ABLIM2: variants seen among roughly 807,000 people sequenced by gnomAD.
ABLIM2 encodes actin binding LIM protein family member 2, also known as actin-binding LIM protein 2.
In ABLIM2, 53 loss-of-function variants were observed where a neutral mutation model predicts 97.7. The observed-to-expected ratio is 0.54, with a 90% CI of 0.44 to 0.68. The LOEUF (loss-of-function observed/expected upper bound fraction) is 0.68. ABLIM2 is among the 30% of genes least tolerant of loss of function. ABLIM2 has a pLI of 0.00. For synonymous variants in ABLIM2, 361 were observed against 345.8 expected (o/e 1.04, Z -0.49); for missense variants, 835 against 867.2 (o/e 0.96, Z 0.47).
chr4:8,009,801 C>T (rs1299538146), intron 14 of ABLIM2, among the ~76,000 whole-genome samples: 4 of 152,198 alleles, frequency 2.6e-5, no homozygotes, highest in African/African-American at 9.7e-5. Context: ...CTGGATACGC[C>T]ACTGACTACC....
At chr4:7,995,426 A>G (rs1752576806) in intron 16 of ABLIM2, among the ~76,000 whole-genome samples, 1 of 152,208 alleles carries the variant, frequency 6.6e-6, no homozygotes, top group Admixed American at 6.5e-5. Flanking sequence ...CCATGCCTCC[A>G]GGGGCAAGGC....
rs895139100 is a variant in ABLIM2, at chr4:7,996,641, G to A, written c.1619-3714C>T. ...AAGAGGGCTATTATGTTTTGTCCCC[G>A]GTTTTACCTATTCCGACGTTCTTCT... On this transcript the variant is annotated intron_variant, in intron 16 of 20. Transcript: ENST00000447017. The surrounding 1 kb of genome is among the most constrained non-coding windows in gnomAD (Gnocchi z 4.5). Among the ~76,000 whole-genome samples the A allele has an allele frequency of 2.0e-5, 3 of 152,168 alleles. No homozygotes were observed. The highest frequency in any genetic ancestry group is 1.9e-4 in the East Asian group (1 of 5,200).
At position 8,097,233 on chromosome 4, in the gene ABLIM2, C is replaced by A; in HGVS notation, c.204G>T (p.Glu68Asp). 1 of 1,576,714 alleles carries A rather than the reference C, an allele frequency of 6.3e-7. No individual in the cohort carries two copies. Among genetic ancestry groups the A allele is most frequent in the Non-Finnish European group, 8.6e-7 (1 of 1,162,466 alleles). Reference sequence around the variant, plus strand: ...TCTGGTAGTCCAGCGTGCAGATGTACTCGCCCTGCCGCACGAAGAAGCCGC... The same window carrying A: ...TCTGGTAGTCCAGCGTGCAGATGTAATCGCCCTGCCGCACGAAGAAGCCGC... The part of the protein sequence containing the change: ...AEGGFFVRQG[E>D]YICTLDYQRL... Residue 68 changes from glutamate to aspartate, a missense_variant, in exon 3 of 21, where the codon GAG becomes GAT. By Grantham distance (45) the Glu-to-Asp change is conservative. Coordinates refer to ENST00000447017, the MANE Select transcript of ABLIM2 (RefSeq NM_001130083.2).
rs1438425114 is a variant in ABLIM2 at position 8,082,240 on chromosome 4, C to A, written c.455-1438G>T. On this transcript the variant is annotated intron_variant, in intron 4 of 20. Coordinates refer to ENST00000447017, the MANE Select transcript of ABLIM2 (RefSeq NM_001130083.2). This position sits in a 1 kb window ranked among gnomAD's most constrained non-coding sequence, Gnocchi z 5.6. Reference sequence around the variant, plus strand: ...GATGGAAAGAAGGTGGCCCCAGGGCCCGACGTGCTGGGTACAAATCCTGGC... The same window carrying A: ...GATGGAAAGAAGGTGGCCCCAGGGCACGACGTGCTGGGTACAAATCCTGGC... 6.6e-6 allele frequency among the ~76,000 whole-genome samples: 1 copy of A among 152,158 alleles called. No homozygotes were observed. Among genetic ancestry groups the A allele is most frequent in the African/African-American group, 2.4e-5 (1 of 41,434 alleles).
Position 7,996,218 on chromosome 4 carries a change from T to C in ABLIM2, c.1619-3291A>G, listed in dbSNP as rs528316097. On this transcript the variant is annotated intron_variant, in intron 16 of 20. Coordinates refer to ENST00000447017, the MANE Select transcript of ABLIM2 (RefSeq NM_001130083.2). The surrounding 1 kb of genome is among the most constrained non-coding windows in gnomAD (Gnocchi z 4.5). ...TTAGTGGGCCCTACCCTAGACCTCCTGTGTCAGAATTCTGGGGCTGGGGTC... is the reference window on the plus strand; with the variant it reads ...TTAGTGGGCCCTACCCTAGACCTCCCGTGTCAGAATTCTGGGGCTGGGGTC... Among the ~76,000 whole-genome samples, 4 of 152,292 alleles carry C rather than the reference T, an allele frequency of 2.6e-5. No individual in the cohort carries two copies. The highest frequency in any genetic ancestry group is 4.4e-5 in the Non-Finnish European group (3 of 67,996).
At chr4:8,105,350 T>C (rs1836775562) in intron 2 of ABLIM2, among the ~76,000 whole-genome samples, 2 of 152,182 alleles carry the variant, frequency 1.3e-5, no homozygotes, top group Admixed American at 1.3e-4. Context: ...CCTAACATTA[T>C]CTCCCTCAGC....
chr4:8,123,001 C>G lies in ABLIM2; in HGVS notation c.11-16364G>C, dbSNP rs1008087295. On this transcript the variant is annotated intron_variant, in intron 1 of 20. Coordinates refer to ENST00000447017, the MANE Select transcript of ABLIM2 (RefSeq NM_001130083.2). This position sits in a 1 kb window ranked among gnomAD's most constrained non-coding sequence, Gnocchi z 6.2. ...TTCCCGGAGGTCGTGCCTGCCTCCC[C>G]TGGCGTTCCCACTCTGCAAGCCTCC... is the stretch of plus-strand genomic sequence containing the variant. Among the ~76,000 whole-genome samples, 1 of 152,186 alleles carries G rather than the reference C, an allele frequency of 6.6e-6. No individual in the cohort carries two copies. Among genetic ancestry groups the G allele is most frequent in the Non-Finnish European group, 1.5e-5 (1 of 68,026 alleles).
chr4:8,051,153 T>G (rs2385917), intron 8 of ABLIM2, among the ~76,000 whole-genome samples: 129,256 of 152,278 alleles, frequency 0.85, 55,165 homozygotes, highest in African/African-American at 0.94. Flanking sequence ...CCGGGAGCTG[T>G]CGCCAGCCAC....
intron 7 of ABLIM2, among the ~76,000 whole-genome samples, chr4:8,057,929 C>G (rs188371315): frequency 1.4e-4 from 21 of 152,336 alleles, no homozygotes; most frequent in Admixed American, 1.0e-3. Context: ...GAGGCCTGTG[C>G]CAGGGAGCAG....
intron 6 of ABLIM2, among the ~76,000 whole-genome samples, chr4:8,070,640 G>A (rs147472322): frequency 1.1e-3 from 175 of 152,196 alleles, no homozygotes; most frequent in African/African-American, 3.9e-3. Flanking sequence ...AGAGAGCCTC[G>A]GCACCCCCTT....
intron 2 of ABLIM2, among the ~76,000 whole-genome samples, chr4:8,105,379 T>C (rs1464783328): frequency 2.0e-5 from 3 of 152,242 alleles, no homozygotes; most frequent in Non-Finnish European, 4.4e-5. Context: ...AATGTGTCCA[T>C]GCTAAAGCTT....
chr4:7,997,774 G>C (rs986343145), intron 16 of ABLIM2, among the ~76,000 whole-genome samples: 1 of 152,038 alleles, frequency 6.6e-6, no homozygotes, highest in African/African-American at 2.4e-5. Context: ...TAAACTATTT[G>C]TAATTGCTTG....
chr4:8,083,235 A>T lies in ABLIM2; in HGVS notation c.455-2433T>A, dbSNP rs1821073906. ...ACAGACAGCAGACAGCAGCGGTCAG[A>T]TCCCAGCAATGCCCCCCACCGGCTG... On this transcript the variant is annotated intron_variant, in intron 4 of 20. Transcript: ENST00000447017. This position sits in a 1 kb window ranked among gnomAD's most constrained non-coding sequence, Gnocchi z 4.6. Among the ~76,000 whole-genome samples, 1 of 152,118 alleles carries T rather than the reference A, an allele frequency of 6.6e-6. No individual in the cohort carries two copies. The highest frequency in any genetic ancestry group is 6.5e-5 in the Admixed American group (1 of 15,276).
chr4:8,137,936 A>G (rs1278595332), intron 1 of ABLIM2, among the ~76,000 whole-genome samples: 1 of 152,270 alleles, frequency 6.6e-6, no homozygotes, highest in Non-Finnish European at 1.5e-5. Flanking sequence ...CGGCAAATGA[A>G]CTGATAAACA....
chr4:8,047,388 T>C (rs923531625), intron 8 of ABLIM2, among the ~76,000 whole-genome samples: 1 of 115,520 alleles, frequency 8.7e-6, no homozygotes, highest in South Asian at 3.0e-4. Flanking sequence ...CCTCCTCCTC[T>C]TTCTCCTCCT....
rs1846751672 is a variant in ABLIM2 at position 8,124,145 on chromosome 4, A to C, written c.11-17508T>G. Among the ~76,000 whole-genome samples, 1 of 152,184 alleles carries C rather than the reference A, an allele frequency of 6.6e-6. No individual in the cohort carries two copies. Among genetic ancestry groups the C allele is most frequent in the African/African-American group, 2.4e-5 (1 of 41,434 alleles). On this transcript the variant is annotated intron_variant, in intron 1 of 20. Transcript: ENST00000447017. The surrounding 1 kb of genome is among the most constrained non-coding windows in gnomAD (Gnocchi z 6.1). ...CATCACAACCTAGAATAATTCATCT[A>C]TCTTCTCATAAGGCAGCACCTCGAT...
In ABLIM2 at chr4:7,967,138, T is replaced by A. The variant is rs551487717; in HGVS notation, c.1825-35A>T. 3.2e-6 allele frequency: 5 copies of A among 1,567,170 alleles called. No individual in the cohort carries two copies. In the East Asian group the frequency reaches 1.1e-4, roughly 35 times the overall value. ...AAAAGGCAAAACAGAAGGGACCAGT[T>A]AGCCACGCAGCAAGGGACACCATTG... On this transcript the variant is annotated intron_variant, in intron 20 of 20. Transcript: ENST00000447017.
At chr4:8,051,615 G>C (rs185429296) in intron 8 of ABLIM2, among the ~76,000 whole-genome samples, 58 of 151,474 alleles carry the variant, frequency 3.8e-4, no homozygotes, top group Non-Finnish European at 5.2e-4. Flanking sequence ...AGATAGAAAG[G>C]AAAAGGGGTC....
At chr4:8,040,582 G>T (rs1194879211) in intron 9 of ABLIM2, among the ~76,000 whole-genome samples, 5 of 150,938 alleles carry the variant, frequency 3.3e-5, no homozygotes, top group Admixed American at 2.6e-4. Context: ...CTGCACTCCA[G>T]CCTGGGCGAC....
Sources: allele counts gnomAD v4.1 joint callset (sites outside exome capture counted in the v4.1 genomes callset), GRCh38; gene constraint gnomAD v4.1.1; non-coding constraint Gnocchi (gnomAD v3.1); transcripts MANE v1.5; gene names NCBI Gene and HGNC (gene_info 2026-07-23, HGNC 2026-07-21).